Variants in MUC5AC observed in about 807,000 individuals in gnomAD.
The protein encoded by MUC5AC is mucin 5AC, oligomeric mucus/gel-forming.
A neutral mutation model predicts 169.7 loss-of-function variants in MUC5AC; 158 were observed. The ratio of observed to expected loss-of-function variants is 0.93; its 90% CI spans 0.82 to 1.06. The LOEUF (loss-of-function observed/expected upper bound fraction) is 1.06. Among genes scored for constraint, MUC5AC ranks in the 50% least tolerant of loss-of-function variants. The pLI is 0.00. For missense variants in MUC5AC, 4,359 were observed against 3,089.9 expected (o/e 1.41, Z -9.74); for synonymous variants, 1,975 against 1,237.0 (o/e 1.60, Z -12.52).
chr11:1,160,896 G>A (rs930733677), intron 2 of MUC5AC, among the ~76,000 whole-genome samples: 2 of 152,224 alleles, frequency 1.3e-5, no homozygotes, highest in African/African-American at 2.4e-5. Flanking sequence ...CCCCTGCAGC[G>A]CTTAGGCTCT....
At chr11:1,171,571 ACTT>A (rs1860538747) in intron 15 of MUC5AC, among the ~76,000 whole-genome samples, 4 of 129,118 alleles carry the variant, frequency 3.1e-5, no homozygotes, top group Admixed American at 1.6e-4. Context: ...TCACCCACTC[ACTT>A]ACCCATTCAC....
In MUC5AC at chr11:1,186,754, C is replaced by G; in HGVS notation, c.8609C>G (p.Ser2870Cys). 1 of 736,516 alleles carries G rather than the reference C, an allele frequency of 1.4e-6. No individual in the cohort carries two copies. The highest frequency in any genetic ancestry group is 2.5e-6 in the Non-Finnish European group (1 of 403,578). The allele number at this position is 736,516 out of a possible 1,614,324, so 45.6% of individuals were successfully genotyped here. A position where few individuals can be genotyped will look rare whatever the true frequency, so the allele number is the denominator to read the frequency against. The change falls in exon 31 of 49, where the codon TCC (serine) becomes TGC (cysteine). Residue 2870 changes from serine to cysteine, a missense_variant. Ser to Cys is a moderately radical substitution (Grantham distance 112). Coordinates refer to ENST00000621226, the MANE Select transcript of MUC5AC (RefSeq NM_001304359.2). The stretch of plus-strand genomic sequence containing the variant: ...TCTGTCCCTACAAGCAGCACAACCT[C>G]CACTGCTACAACCAGCACAACCTCT... ...TTSVPTSSTT[S>C]TATTSTTSGP...
At position 1,176,546 on chromosome 11, in the gene MUC5AC, C is replaced by T. The variant is rs1454731099; in HGVS notation, c.2535C>T (p.Cys845=). ...CCCAGTGTGTGCCTGGCTGCGTGTG[C>T]CCCGACGGGCTGGTGGCGGACGGCG... ...YSPQCVPGCV[C]PDGLVADGEG... is the part of the protein sequence containing the mutation. The change falls in exon 21 of 49, where the codon TGC becomes TGT. Residue 845 remains cysteine, a synonymous_variant. Transcript: ENST00000621226. The T allele has an allele frequency of 4.8e-5, 19 of 399,756 alleles. No individual in the cohort carries two copies. The highest frequency in any genetic ancestry group is 3.9e-4 in the African/African-American group (19 of 48,674). 24.8% of individuals were successfully genotyped at this position (399,756 alleles called of 1,614,324 possible).
At chr11:1,193,971 G>A (rs1213476130) in intron 33 of MUC5AC, 139 bp from the exon 34 acceptor site, 1 of 646,028 alleles carries the variant, frequency 1.5e-6, no homozygotes, top group Non-Finnish European at 2.8e-6. Context: ...CGTGTGTTCT[G>A]ATGACGTGAG....
intron 33 of MUC5AC, 55 bp from the exon 34 acceptor site, chr11:1,194,055 G>A: frequency 1.3e-6 from 1 of 754,772 alleles, no homozygotes; most frequent in Non-Finnish European, 2.4e-6. Flanking sequence ...GAAAGCCCCA[G>A]GGCCATGGTG....
Position 1,165,438 on chromosome 11 carries a change from C to A in MUC5AC, c.1247+19C>A, listed in dbSNP as rs1430078609. The A allele has an allele frequency of 2.1e-6, 3 of 1,455,140 alleles. No individual in the cohort carries two copies. The African/African-American group carries it at 9.0e-5, about 44-fold the overall frequency. 90.1% of individuals were successfully genotyped at this position (1,455,140 alleles called of 1,614,324 possible). On this transcript the variant is annotated intron_variant, in intron 10 of 48. Coordinates refer to ENST00000621226, the MANE Select transcript of MUC5AC (RefSeq NM_001304359.2). ...CCAACTGGTAGGTCCCAGCCCCCCT[C>A]CAGGCCACCAAGGATGTGCTATGGG... is the stretch of plus-strand genomic sequence containing the variant.
At chr11:1,160,302 G>A (rs1860100319) in intron 1 of MUC5AC, among the ~76,000 whole-genome samples, 1 of 151,954 alleles carries the variant, frequency 6.6e-6, no homozygotes, top group Admixed American at 6.6e-5. Flanking sequence ...GCCAGGGCCT[G>A]GCACGCTTGG....
In MUC5AC at chr11:1,188,839, C is replaced by A; in HGVS notation, c.10694C>A (p.Thr3565Asn). 1 of 762,160 alleles carries A rather than the reference C, an allele frequency of 1.3e-6. No homozygotes were observed. Among genetic ancestry groups the A allele is most frequent in the Non-Finnish European group, 2.4e-6 (1 of 416,304 alleles). The allele number at this position is 762,160 out of a possible 1,614,324, so 47.2% of individuals were successfully genotyped here. A position where few individuals can be genotyped will look rare whatever the true frequency, so the allele number is the denominator to read the frequency against. Residue 3565 changes from threonine (T) to asparagine (N), a missense_variant, in exon 31 of 49, where the codon ACC (threonine) becomes AAC (asparagine). Thr to Asn is a moderately conservative substitution (Grantham distance 65). Transcript: ENST00000621226. ...ATCTGCCGCCGACCTGAGGAGATCA[C>A]CAGGCTCCAGTGCCGAGCCAAGAGC... ...EKICRRPEEI[T>N]RLQCRAKSHP...
Position 1,187,099 on chromosome 11 carries a change from C to T in MUC5AC, c.8954C>T (p.Thr2985Ile). 1.4e-6 allele frequency: 1 copy of T among 735,618 alleles called. No homozygotes were observed. The highest frequency in any genetic ancestry group is 1.4e-5 in the South Asian group (1 of 70,788). The allele number at this position is 735,618 out of a possible 1,614,324, so 45.6% of individuals were successfully genotyped here. The change falls in exon 31 of 49, where the codon ACC becomes ATC. Residue 2985 changes from threonine to isoleucine, a missense_variant. Physicochemically the swap from Thr to Ile is moderately conservative, Grantham distance 89 (BLOSUM62 -1). Coordinates refer to ENST00000621226, the MANE Select transcript of MUC5AC (RefSeq NM_001304359.2). ...GPGTTPSPVP[T>I]TSTTSAPTTS... Reference sequence around the variant, plus strand: ...GGAACTACTCCCAGCCCTGTTCCCACCACCAGCACAACCTCTGCTCCCACA... The same window carrying T: ...GGAACTACTCCCAGCCCTGTTCCCATCACCAGCACAACCTCTGCTCCCACA...
chr11:1,161,756 C>T lies in MUC5AC; in HGVS notation c.212-151C>T, dbSNP rs758548502. ...CCCTGCACACGTTTCTGGGACTTCC[C>T]AGATGCAGGAAGGACCCCTGGGTGC... is the stretch of plus-strand genomic sequence containing the variant. On this transcript the variant is annotated intron_variant, in intron 3 of 48. Transcript: ENST00000621226. 7.1e-4 allele frequency: 947 copies of T among 1,325,826 alleles called. 1 individual carries two copies. The highest frequency in any genetic ancestry group is 8.4e-4 in the Non-Finnish European group (830 of 989,774). The allele number at this position is 1,325,826 out of a possible 1,614,324, so 82.1% of individuals were successfully genotyped here.
In MUC5AC at chr11:1,195,079, C is replaced by T. The variant is rs748007226; in HGVS notation, c.15258C>T (p.Ser5086=). Residue 5086 remains serine (S), a synonymous_variant, in exon 36 of 49, where the codon TCC becomes TCT. Coordinates refer to ENST00000621226, the MANE Select transcript of MUC5AC (RefSeq NM_001304359.2). ...TPRGTVVASC[S]EMSGLWNVSI... Reference sequence around the variant, plus strand: ...GGGGGACGGTGGTCGCTTCCTGCTCCGAGATGTCCGGCCTCTGGAACGTGA... The same window carrying T: ...GGGGGACGGTGGTCGCTTCCTGCTCTGAGATGTCCGGCCTCTGGAACGTGA... The T allele has an allele frequency of 1.1e-5, 8 of 759,178 alleles. No homozygotes were observed. The highest frequency in any genetic ancestry group is 2.7e-5 in the South Asian group (2 of 73,578). 47.0% of individuals were successfully genotyped at this position (759,178 alleles called of 1,614,324 possible).
Position 1,187,222 on chromosome 11 carries a change from C to T in MUC5AC, c.9077C>T (p.Thr3026Ile). ...PTTSTTLAPT[T>I]STTSAPTTST... The stretch of plus-strand genomic sequence containing the variant: ...ACCAGCACAACCTTAGCTCCTACAA[C>T]CAGCACAACCTCTGCCCCTACAACC... The change falls in exon 31 of 49, where the codon ACC (threonine) becomes ATC (isoleucine). Residue 3026 changes from threonine (T) to isoleucine (I), a missense_variant. Coordinates refer to ENST00000621226, the MANE Select transcript of MUC5AC (RefSeq NM_001304359.2). 2.9e-6 allele frequency: 2 copies of T among 700,332 alleles called. No homozygotes were observed. The highest frequency in any genetic ancestry group is 1.5e-5 in the South Asian group (1 of 67,594). 43.4% of individuals were successfully genotyped at this position (700,332 alleles called of 1,614,324 possible). A position where few individuals can be genotyped will look rare whatever the true frequency, so the allele number is the denominator to read the frequency against.
In MUC5AC at chr11:1,163,929, G is replaced by A. The variant is rs773751518; in HGVS notation, c.727G>A (p.Asp243Asn). The A allele has an allele frequency of 1.2e-5, 20 of 1,611,278 alleles. No homozygotes were observed. The highest frequency in any genetic ancestry group is 1.6e-4 in the Middle Eastern group (1 of 6,084). The change falls in exon 7 of 49, where the codon GAC becomes AAC. Residue 243 changes from aspartate (D) to asparagine (N), a missense_variant. By Grantham distance (23) the Asp-to-Asn change is conservative. Coordinates refer to ENST00000621226, the MANE Select transcript of MUC5AC (RefSeq NM_001304359.2). ...MEFGNLQKMD[D>N]PTDQCQDPVP... ...ATTCGGGAACCTGCAGAAGATGGACGACCCCACGGACCAGTGTCAGGACCC... is the reference window on the plus strand; with the variant it reads ...ATTCGGGAACCTGCAGAAGATGGACAACCCCACGGACCAGTGTCAGGACCC...
Position 1,160,619 on chromosome 11 carries a change from C to T in MUC5AC, c.81C>T (p.Ala27=). The T allele has an allele frequency of 6.2e-7, 1 of 1,608,638 alleles. No homozygotes were observed. The highest frequency in any genetic ancestry group is 8.5e-7 in the Non-Finnish European group (1 of 1,179,338). The change falls in exon 2 of 49, where the codon GCC becomes GCT. Residue 27 remains alanine, a synonymous_variant. Transcript: ENST00000621226. ...CCCCTCCTCTTTCTGCAGGCCATGCCCAGGATGGCTCCTCCGAATCCAGCT... is the reference window on the plus strand; with the variant it reads ...CCCCTCCTCTTTCTGCAGGCCATGCTCAGGATGGCTCCTCCGAATCCAGCT... ...ALACTRHTGH[A]QDGSSESSYK... is the part of the protein sequence containing the mutation.
chr11:1,180,306 G>A (rs1346524561), intron 27 of MUC5AC, 48 bp from the exon 28 acceptor site: 6 of 398,518 alleles, frequency 1.5e-5, no homozygotes, highest in African/African-American at 1.2e-4. Context: ...CCAGAGCGAG[G>A]TGGACGACAC....
chr11:1,159,335 C>G (rs1860053524), intron 1 of MUC5AC, among the ~76,000 whole-genome samples: 1 of 151,984 alleles, frequency 6.6e-6, no homozygotes, highest in African/African-American at 2.4e-5. Flanking sequence ...GGCCGGGCGC[C>G]CCTCCCACCA....
intron 19 of MUC5AC, among the ~76,000 whole-genome samples, chr11:1,175,644 TCACA>T (rs1280590368): frequency 6.7e-5 from 8 of 119,104 alleles, no homozygotes; most frequent in Non-Finnish European, 1.0e-4. Context: ...TATGCAACAC[TCACA>T]CACCCACTCA....
Position 1,160,459 on chromosome 11 carries a change from C to T in MUC5AC, c.74-153C>T, listed in dbSNP as rs1378830367. On this transcript the variant is annotated intron_variant, in intron 1 of 48. Coordinates refer to ENST00000621226, the MANE Select transcript of MUC5AC (RefSeq NM_001304359.2). ...ACATGGACAGAGGCCTCCTAGGACC[C>T]CCCCAACCCAGCACAGAGAGAGCCC... is the stretch of plus-strand genomic sequence containing the variant. Among the ~76,000 whole-genome samples the T allele has an allele frequency of 2.0e-5, 3 of 152,144 alleles. No homozygotes were observed. The South Asian group carries it at 6.2e-4, about 31-fold the overall frequency.
rs1212466522 is a variant in MUC5AC, at chr11:1,164,410, A to G, written c.1007A>G (p.Gln336Arg). 1.9e-6 allele frequency: 3 copies of G among 1,612,224 alleles called. No homozygotes were observed. Among genetic ancestry groups the G allele is most frequent in the Non-Finnish European group, 2.5e-6 (3 of 1,179,750 alleles). ...QDWRGPDFCP[Q>R]KCPNNMQYHE... The stretch of plus-strand genomic sequence containing the variant: ...GCCCTCTCTCTGCCTCCCGCAGCCC[A>G]GAAGTGCCCCAACAACATGCAGTAC... Residue 336 changes from glutamine to arginine, a missense_variant, in exon 9 of 49, where the codon CAG (glutamine) becomes CGG (arginine). Transcript: ENST00000621226.
Sources: allele counts gnomAD v4.1 joint callset (sites outside exome capture counted in the v4.1 genomes callset), GRCh38; gene constraint gnomAD v4.1.1; transcripts MANE v1.5; gene names NCBI Gene and HGNC (gene_info 2026-07-23, HGNC 2026-07-21).